RSRC1: variants seen among roughly 807,000 people sequenced by gnomAD.
RSRC1 encodes arginine and serine rich coiled-coil 1.
RSRC1 carries 39 observed loss-of-function variants against 49.1 expected under a neutral mutation model. That is an observed-to-expected ratio of 0.79 (90% confidence interval 0.61 to 1.04). The LOEUF is 1.04. RSRC1 is among the 50% of genes least tolerant of loss of function. The pLI is 0.00. For synonymous variants in RSRC1, 143 were observed against 130.8 expected (o/e 1.09, Z -0.63); for missense variants, 388 against 402.4 (o/e 0.96, Z 0.31).
intron 3 of RSRC1, 44 bp from the exon 4 acceptor site, chr3:158,203,028 C>A: frequency 1.4e-6 from 2 of 1,472,842 alleles, no homozygotes; most frequent in Non-Finnish European, 1.9e-6. Flanking sequence ...TTTCACGATA[C>A]AAATTATACA....
chr3:158,463,871 G>A (rs1737744432), intron 7 of RSRC1, among the ~76,000 whole-genome samples: 1 of 152,126 alleles, frequency 6.6e-6, no homozygotes. Flanking sequence ...TAGTTCAGTT[G>A]ATTTTTCCAC....
intron 3 of RSRC1, chr3:158,132,303 C>G (rs913282979): frequency 5.8e-6 from 1 of 172,672 alleles, no homozygotes; most frequent in Non-Finnish European, 1.3e-5. Context: ...ATTATTATTT[C>G]TTTGTATTAC....
intron 1 of RSRC1, among the ~76,000 whole-genome samples, chr3:158,115,366 T>C (rs1157968905): frequency 6.6e-6 from 1 of 152,062 alleles, no homozygotes; most frequent in African/African-American, 2.4e-5. Context: ...GTTTGTGCCT[T>C]ACTCAGAGAT....
At chr3:158,470,055 T>C (rs1738058418) in intron 7 of RSRC1, among the ~76,000 whole-genome samples, 1 of 152,028 alleles carries the variant, frequency 6.6e-6, no homozygotes, top group Admixed American at 6.6e-5. Context: ...TACATGGCTG[T>C]AACATATTCA....
At chr3:158,173,337 A>T (rs548337926) in intron 3 of RSRC1, among the ~76,000 whole-genome samples, 4 of 152,118 alleles carry the variant, frequency 2.6e-5, no homozygotes, top group Non-Finnish European at 4.4e-5. Context: ...GATATTTTTA[A>T]CTAAGTCAGT....
intron 7 of RSRC1, among the ~76,000 whole-genome samples, chr3:158,482,271 A>G (rs1202681256): frequency 6.6e-6 from 1 of 152,054 alleles, no homozygotes; most frequent in African/African-American, 2.4e-5. Context: ...CCAAAAAATA[A>G]ATTAATACCA....
chr3:158,225,659 T>A (rs528508411), intron 4 of RSRC1: 1 of 451,120 alleles, frequency 2.2e-6, no homozygotes, highest in Non-Finnish European at 4.4e-6. Context: ...TCTCACAGAT[T>A]TCACCAAAAG....
chr3:158,443,757 G>T (rs1736514878), intron 6 of RSRC1, among the ~76,000 whole-genome samples: 1 of 152,108 alleles, frequency 6.6e-6, no homozygotes, highest in African/African-American at 2.4e-5. Context: ...CCTCATCTCA[G>T]CTTTTGACAT....
At chr3:158,304,206 A>G (rs1325442736) in intron 5 of RSRC1, among the ~76,000 whole-genome samples, 4 of 152,186 alleles carry the variant, frequency 2.6e-5, no homozygotes, top group Admixed American at 2.0e-4. Flanking sequence ...GGTTTATAAG[A>G]ATATAGTTCT....
chr3:158,420,715 A>G (rs1190773457), intron 6 of RSRC1, among the ~76,000 whole-genome samples: 1 of 151,932 alleles, frequency 6.6e-6, no homozygotes, highest in East Asian at 1.9e-4. Flanking sequence ...TTATATCTCT[A>G]AATTATCTAT....
At chr3:158,164,067 C>G (rs938010240) in intron 3 of RSRC1, among the ~76,000 whole-genome samples, 1 of 152,068 alleles carries the variant, frequency 6.6e-6, no homozygotes, top group African/African-American at 2.4e-5. Flanking sequence ...AAAGTCTAGT[C>G]TAGAAAAATT....
chr3:158,534,398 T>G (rs755522145), intron 7 of RSRC1, among the ~76,000 whole-genome samples: 23 of 151,820 alleles, frequency 1.5e-4, no homozygotes, highest in Non-Finnish European at 2.7e-4. Context: ...AAACTCCACC[T>G]TCGTGTCAAA....
intron 7 of RSRC1, among the ~76,000 whole-genome samples, chr3:158,534,055 A>G (rs1220688437): frequency 2.6e-5 from 4 of 151,568 alleles, no homozygotes; most frequent in Non-Finnish European, 5.9e-5. Flanking sequence ...GGGAAGATAT[A>G]TTCTTCCAAA....
chr3:158,314,404 C>CTTTTT (rs11382163), intron 5 of RSRC1, among the ~76,000 whole-genome samples: 1 of 145,588 alleles, frequency 6.9e-6, no homozygotes, highest in African/African-American at 2.5e-5. Flanking sequence ...AAAAAAAATT[C>CTTTTT]TTTTTTTTTT....
chr3:158,516,698 G>A (rs377278222), intron 7 of RSRC1, among the ~76,000 whole-genome samples: 78 of 152,318 alleles, frequency 5.1e-4, no homozygotes, highest in East Asian at 4.1e-3. Flanking sequence ...CCCCAGCCTC[G>A]TTGCCGCCTT....
At position 158,487,949 on chromosome 3, in the gene RSRC1, G is replaced by GAAAAAA. The variant is rs58689210; in HGVS notation, c.652+26966_652+26971dup. 1.7e-3 allele frequency among the ~76,000 whole-genome samples: 50 copies of GAAAAAA among 28,914 alleles called. 4 individuals are homozygous for GAAAAAA. Among genetic ancestry groups the GAAAAAA allele is most frequent in the African/African-American group, 5.3e-3 (40 of 7,482 alleles). The allele number at this position is 28,914 out of a possible 152,430, so 19.0% of individuals were successfully genotyped here. The stretch of plus-strand genomic sequence containing the variant: ...TAGGAGACAAGAGACTCCATCTCAA[G>GAAAAAA]AAAAAAAAAAAAAAAAAAAAAAAAA... On this transcript the variant is annotated intron_variant, in intron 7 of 9. Transcript: ENST00000611884.
At chr3:158,345,895 CAAAGTCAGTT>C (rs929283243) in intron 5 of RSRC1, among the ~76,000 whole-genome samples, 1 of 149,440 alleles carries the variant, frequency 6.7e-6, no homozygotes. Context: ...GAGAAAAATG[CAAAGTCAGTT>C]AAGTGGAAAA....
chr3:158,404,488 T>C (rs978213647), intron 6 of RSRC1, among the ~76,000 whole-genome samples: 3 of 152,006 alleles, frequency 2.0e-5, no homozygotes, highest in African/African-American at 7.2e-5. Context: ...ATTTAGCTTT[T>C]ATTGGGTCAA....
In RSRC1 at chr3:158,545,193, C is replaced by CTATTTTTTTTTTTTTTTTTT. The variant is rs1713270665; in HGVS notation, c.*919_*920insATTTTTTTTTTTTTTTTTTT. 1.3e-5 allele frequency: 1 copy of CTATTTTTTTTTTTTTTTTTT among 74,624 alleles called. No homozygotes were observed. Among genetic ancestry groups the CTATTTTTTTTTTTTTTTTTT allele is most frequent in the African/African-American group, 5.1e-5 (1 of 19,770 alleles). The allele number at this position is 74,624 out of a possible 1,614,324, so 4.6% of individuals were successfully genotyped here. ...CATGAATATTTCCCGTTTCTATTTT[C>CTATTTTTTTTTTTTTTTTTT]TTTTTTTTTTTTTTTTTTTTTTTTT... is the stretch of plus-strand genomic sequence containing the variant. On this transcript the variant is annotated 3_prime_UTR_variant, in exon 10 of 10. Coordinates refer to ENST00000611884, the MANE Select transcript of RSRC1 (RefSeq NM_001271838.2).
Sources: gnomAD v4.1 joint callset for allele counts (sites outside exome capture counted in the v4.1 genomes callset) on GRCh38, gnomAD v4.1.1 for gene constraint, MANE v1.5 for transcripts, NCBI Gene and HGNC (gene_info 2026-07-23, HGNC 2026-07-21) for gene names.